AKAP19: variants seen among roughly 807,000 people sequenced by gnomAD.
AKAP19 encodes A-kinase anchoring protein 19, also known as small A-kinase anchoring protein.
chr2:189,968,140 G>C, the AKAP19 span, among the ~76,000 whole-genome samples: 1 of 152,028 alleles, frequency 6.6e-6, no homozygotes, highest in African/African-American at 2.4e-5. Flanking sequence ...AGGAAAGAAA[G>C]AAATATAGAA....
At chr2:190,120,684 T>C in the AKAP19 span, among the ~76,000 whole-genome samples, 6 of 152,358 alleles carry the variant, frequency 3.9e-5, no homozygotes, top group Non-Finnish European at 7.4e-5. Flanking sequence ...AATTTCCCTA[T>C]ATATTTATAA....
chr2:190,012,226 G>A, the AKAP19 span, among the ~76,000 whole-genome samples: 6 of 152,234 alleles, frequency 3.9e-5, no homozygotes, highest in Admixed American at 3.3e-4. Context: ...CCAGGCTGAA[G>A]CCATCCTCCC....
chr2:190,049,733 A>G, the AKAP19 span, among the ~76,000 whole-genome samples: 1 of 152,238 alleles, frequency 6.6e-6, no homozygotes, highest in Non-Finnish European at 1.5e-5. Flanking sequence ...CTGAACTTCT[A>G]TGAGATAATC....
At chr2:190,045,483 C>G in the AKAP19 span, among the ~76,000 whole-genome samples, 2 of 152,064 alleles carry the variant, frequency 1.3e-5, no homozygotes, top group African/African-American at 4.8e-5. Flanking sequence ...GATTGGGCAC[C>G]CACTGAAAGC....
At chr2:190,192,715 C>T in the AKAP19 span, among the ~76,000 whole-genome samples, 1,000 of 152,190 alleles carry the variant, frequency 6.6e-3, 11 homozygotes, top group African/African-American at 0.023. Flanking sequence ...TCACGTACAA[C>T]GTACACAATA....
the AKAP19 span, among the ~76,000 whole-genome samples, chr2:189,927,962 G>T: frequency 4.4e-3 from 672 of 152,260 alleles, 4 homozygotes; most frequent in African/African-American, 0.016. Flanking sequence ...GTTGCCAGTT[G>T]TCCCATTAAT....
chr2:190,032,617 G>A, the AKAP19 span, among the ~76,000 whole-genome samples: 3 of 152,202 alleles, frequency 2.0e-5, no homozygotes, highest in African/African-American at 4.8e-5. Flanking sequence ...TAGCAGAAAA[G>A]TGTGTTCGGT....
At chr2:190,109,330 C>T in the AKAP19 span, among the ~76,000 whole-genome samples, 1 of 152,090 alleles carries the variant, frequency 6.6e-6, no homozygotes, top group African/African-American at 2.4e-5. Context: ...CACCAACCTG[C>T]CTTTAGCCTC....
the AKAP19 span, among the ~76,000 whole-genome samples, chr2:190,074,585 A>T: frequency 2.6e-5 from 4 of 151,948 alleles, no homozygotes; most frequent in African/African-American, 4.8e-5. Flanking sequence ...CGGGAGTTGG[A>T]AGTTGCAGTG....
the AKAP19 span, among the ~76,000 whole-genome samples, chr2:189,952,245 C>A: frequency 6.6e-6 from 1 of 152,084 alleles, no homozygotes; most frequent in African/African-American, 2.4e-5. Flanking sequence ...GTTACTCTGT[C>A]TTATGTTAGT....
chr2:190,035,430 C>CAA, the AKAP19 span, among the ~76,000 whole-genome samples: 1 of 139,844 alleles, frequency 7.2e-6, no homozygotes, highest in South Asian at 2.3e-4. Flanking sequence ...GACTCCATCT[C>CAA]AAAAAAAAAA....
At chr2:189,892,052 G>A in the AKAP19 span, among the ~76,000 whole-genome samples, 34 of 151,522 alleles carry the variant, frequency 2.2e-4, no homozygotes, top group Non-Finnish European at 3.8e-4. Context: ...TATGCTTCAC[G>A]AAGTTCTCAT....
chr2:189,981,549 GTTTGC>G, the AKAP19 span, among the ~76,000 whole-genome samples: 1 of 152,212 alleles, frequency 6.6e-6, no homozygotes, highest in African/African-American at 2.4e-5. Context: ...TCATAGTGTT[GTTTGC>G]TAGTTGCTTT....
the AKAP19 span, among the ~76,000 whole-genome samples, chr2:190,019,289 C>A: frequency 6.6e-6 from 1 of 152,054 alleles, no homozygotes; most frequent in Non-Finnish European, 1.5e-5. Flanking sequence ...TTGGGGTGGT[C>A]TCTGAGGCTG....
At chr2:190,060,100 G>A in the AKAP19 span, 1 of 1,612,598 alleles carries the variant, frequency 6.2e-7, no homozygotes, top group Admixed American at 1.7e-5. Flanking sequence ...GTTACAGCAA[G>A]ATCATGACCA....
the AKAP19 span, chr2:190,200,022 C>T: frequency 6.2e-7 from 1 of 1,614,014 alleles, no homozygotes; most frequent in Admixed American, 1.7e-5. Context: ...CTCCAGGGAC[C>T]AATACTGTGA....
the AKAP19 span, among the ~76,000 whole-genome samples, chr2:190,077,317 C>T: frequency 1.3e-5 from 2 of 151,786 alleles, no homozygotes; most frequent in African/African-American, 4.8e-5. Flanking sequence ...TCAAGCAATT[C>T]TCCTGCCTCA....
At chr2:189,906,759 T>G in the AKAP19 span, among the ~76,000 whole-genome samples, 1 of 152,112 alleles carries the variant, frequency 6.6e-6, no homozygotes, top group Non-Finnish European at 1.5e-5. Context: ...ACTTTTTGGT[T>G]TAAAGTTTCT....
At chr2:189,930,941 C>G in the AKAP19 span, 2 of 734,730 alleles carry the variant, frequency 2.7e-6, no homozygotes, top group Non-Finnish European at 4.8e-6. Flanking sequence ...CTAAAGCTAG[C>G]CCAGTCGGAC....
Sources: gnomAD v4.1 joint callset for allele counts (sites outside exome capture counted in the v4.1 genomes callset) on GRCh38, gnomAD v4.1.1 for gene constraint, MANE v1.5 for transcripts, NCBI Gene and HGNC (gene_info 2026-07-23, HGNC 2026-07-21) for gene names.